Variants in TMEM132D observed in about 807,000 individuals in gnomAD.
TMEM132D encodes mature OL transmembrane protein.
TMEM132D carries 21 observed loss-of-function variants against 62.3 expected under a neutral mutation model. That is an observed-to-expected ratio of 0.34 (90% CI 0.24 to 0.49). The LOEUF is 0.49. Among genes scored for constraint, TMEM132D ranks in the 20% least tolerant of loss-of-function variants. TMEM132D has a pLI of 0.99. For missense variants in TMEM132D, 1,346 were observed against 1,402.8 expected (o/e 0.96, Z 0.65); for synonymous variants, 621 against 575.6 (o/e 1.08, Z -1.13).
rs60948348 is a variant in TMEM132D, at chr12:129,745,166, A to G, written c.80-44468T>C. On this transcript the variant is annotated intron_variant, in intron 1 of 8. Coordinates refer to ENST00000422113, the MANE Select transcript of TMEM132D (RefSeq NM_133448.3). Reference sequence around the variant, plus strand: ...AGTCAATTAAATCTCTTTCCTTTAAAAATTACCCAGTCTTGGATACTTCTT... The same window carrying G: ...AGTCAATTAAATCTCTTTCCTTTAAGAATTACCCAGTCTTGGATACTTCTT... 6.3e-3 allele frequency among the ~76,000 whole-genome samples: 958 copies of G among 152,294 alleles called. 12 individuals are homozygous for G. The highest frequency in any genetic ancestry group is 0.022 in the African/African-American group (910 of 41,538).
At position 129,202,070 on chromosome 12, in the gene TMEM132D, C is replaced by T. The variant is rs80102032; in HGVS notation, c.1443+7450G>A. 7.7e-3 allele frequency among the ~76,000 whole-genome samples: 1,165 copies of T among 152,052 alleles called. 9 individuals carry two copies. Among genetic ancestry groups the T allele is most frequent in the Non-Finnish European group, 0.013 (898 of 67,964 alleles). On this transcript the variant is annotated intron_variant, in intron 5 of 8. Transcript: ENST00000422113. ...GGAGGCAGAAGAGAGCATGGCTTGACGCAATTTACAATTCAACGGGAATGA... is the reference window on the plus strand; with the variant it reads ...GGAGGCAGAAGAGAGCATGGCTTGATGCAATTTACAATTCAACGGGAATGA...
intron 1 of TMEM132D, among the ~76,000 whole-genome samples, chr12:129,773,206 G>A (rs544877105): frequency 2.6e-5 from 4 of 152,304 alleles, no homozygotes; most frequent in South Asian, 2.1e-4. Context: ...ACTTAATTAC[G>A]CATTCGACAT....
In TMEM132D at chr12:129,695,277, G is replaced by A. The variant is rs548375539; in HGVS notation, c.968+4533C>T. On this transcript the variant is annotated intron_variant, in intron 2 of 8. Coordinates refer to ENST00000422113, the MANE Select transcript of TMEM132D (RefSeq NM_133448.3). ...AACTAAGGAAATTTGAATGAAGTAT[G>A]GACTTTAGCTAATAATCATGTGTCA... Among the ~76,000 whole-genome samples, 4 of 152,304 alleles carry A rather than the reference G, an allele frequency of 2.6e-5. No homozygotes were observed. The South Asian group carries it at 8.3e-4, about 32-fold the overall frequency.
intron 3 of TMEM132D, among the ~76,000 whole-genome samples, chr12:129,421,746 C>A (rs1872331655): frequency 6.6e-6 from 1 of 151,948 alleles, no homozygotes; most frequent in Non-Finnish European, 1.5e-5. Context: ...GCTTTTGTAC[C>A]CGTGTTTATA....
At position 129,250,983 on chromosome 12, in the gene TMEM132D, C is replaced by T. The variant is rs73420167; in HGVS notation, c.1300-41320G>A. ...CTGAAGATGTGCTTAGTTGCACATA[C>T]GTTTTATTTTGCATGGTTCACTGTG... On this transcript the variant is annotated intron_variant, in intron 4 of 8. Transcript: ENST00000422113. Among the ~76,000 whole-genome samples, 124 of 152,292 alleles carry T rather than the reference C, an allele frequency of 8.1e-4. 1 individual carries two copies. Among genetic ancestry groups the T allele is most frequent in the African/African-American group, 2.9e-3 (121 of 41,578 alleles).
At chr12:129,733,410 T>A (rs1287938481) in intron 1 of TMEM132D, among the ~76,000 whole-genome samples, 1 of 152,174 alleles carries the variant, frequency 6.6e-6, no homozygotes, top group Non-Finnish European at 1.5e-5. Context: ...GATCCTGATC[T>A]ATGGCCAAAA....
intron 1 of TMEM132D, among the ~76,000 whole-genome samples, chr12:129,749,485 C>G (rs1200189746): frequency 3.7e-5 from 5 of 135,798 alleles, no homozygotes; most frequent in Non-Finnish European, 7.8e-5. Flanking sequence ...TTTTTTGAGT[C>G]TCACTCTGTC....
chr12:129,733,912 T>C (rs1049806929), intron 1 of TMEM132D, among the ~76,000 whole-genome samples: 4 of 152,286 alleles, frequency 2.6e-5, no homozygotes, highest in Non-Finnish European at 2.9e-5. Flanking sequence ...AGCTGGTCTT[T>C]GTGAGATTTA....
chr12:129,577,346 T>C (rs1251580423), intron 2 of TMEM132D, among the ~76,000 whole-genome samples: 1 of 151,116 alleles, frequency 6.6e-6, no homozygotes, highest in Admixed American at 6.6e-5. Flanking sequence ...GTGATATGTA[T>C]TTCTATGTAT....
chr12:129,094,228 A>G (rs147701632), intron 5 of TMEM132D, among the ~76,000 whole-genome samples: 1,597 of 152,364 alleles, frequency 0.01, 14 homozygotes, highest in Middle Eastern at 0.058. Context: ...AGAAACTACC[A>G]TCAGAGTGAA....
At chr12:129,355,889 G>C (rs961490117) in intron 3 of TMEM132D, among the ~76,000 whole-genome samples, 1 of 152,156 alleles carries the variant, frequency 6.6e-6, no homozygotes, top group African/African-American at 2.4e-5. Context: ...TCCGATGCTG[G>C]AGGTGACAGC....
chr12:129,164,201 C>G (rs1235002700), intron 5 of TMEM132D, among the ~76,000 whole-genome samples: 1 of 152,216 alleles, frequency 6.6e-6, no homozygotes, highest in East Asian at 1.9e-4. Flanking sequence ...GTTCTGTGCC[C>G]CGCAGGAGTG....
Position 129,742,065 on chromosome 12 carries a change from G to A in TMEM132D, c.80-41367C>T, listed in dbSNP as rs118178967. On this transcript the variant is annotated intron_variant, in intron 1 of 8. Coordinates refer to ENST00000422113, the MANE Select transcript of TMEM132D (RefSeq NM_133448.3). Reference sequence around the variant, plus strand: ...GTAAGAGAATGTTAAGTGATTTGTTGGTGTGCTCTCCTCACAAAGGTTTAG... The same window carrying A: ...GTAAGAGAATGTTAAGTGATTTGTTAGTGTGCTCTCCTCACAAAGGTTTAG... Among the ~76,000 whole-genome samples the A allele has an allele frequency of 2.8e-4, 43 of 152,214 alleles. No individual in the cohort carries two copies. In the East Asian group the frequency reaches 7.7e-3, roughly 27 times the overall value.
chr12:129,747,337 T>A (rs1869829134), intron 1 of TMEM132D, among the ~76,000 whole-genome samples: 1 of 152,048 alleles, frequency 6.6e-6, no homozygotes, highest in Admixed American at 6.6e-5. Context: ...TAAAGTCTCC[T>A]TCAGGACATT....
intron 3 of TMEM132D, among the ~76,000 whole-genome samples, chr12:129,422,824 C>T (rs1359913611): frequency 6.6e-6 from 1 of 150,462 alleles, no homozygotes; most frequent in Non-Finnish European, 1.5e-5. Flanking sequence ...GTTTATTATG[C>T]AGGTATTTCA....
At chr12:129,820,296 T>C (rs1593174835) in intron 1 of TMEM132D, among the ~76,000 whole-genome samples, 1 of 152,196 alleles carries the variant, frequency 6.6e-6, no homozygotes, top group Admixed American at 6.5e-5. Flanking sequence ...CCACCCATTA[T>C]TCCATTTGCA....
chr12:129,721,898 A>T (rs1045277796), intron 1 of TMEM132D, among the ~76,000 whole-genome samples: 1 of 152,242 alleles, frequency 6.6e-6, no homozygotes, highest in Non-Finnish European at 1.5e-5. Context: ...GAAGGTATAA[A>T]GCCTACTTCT....
At chr12:129,599,345 CA>C (rs1878427344) in intron 2 of TMEM132D, among the ~76,000 whole-genome samples, 1 of 152,120 alleles carries the variant, frequency 6.6e-6, no homozygotes, top group African/African-American at 2.4e-5. Flanking sequence ...TATAATCAGA[CA>C]AAAGAAATAA....
At chr12:129,588,940 G>A (rs1390700556) in intron 2 of TMEM132D, among the ~76,000 whole-genome samples, 12 of 152,032 alleles carry the variant, frequency 7.9e-5, no homozygotes, top group Non-Finnish European at 1.8e-4. Context: ...CCTTCCTTCA[G>A]CCGTGCCTTG....
Sources: allele counts gnomAD v4.1 joint callset (sites outside exome capture counted in the v4.1 genomes callset), GRCh38; gene constraint gnomAD v4.1.1; transcripts MANE v1.5; gene names NCBI Gene and HGNC (gene_info 2026-07-23, HGNC 2026-07-21).